Variants in FZD8 observed in about 807,000 individuals in gnomAD.
FZD8 encodes the protein frizzled class receptor 8.
FZD8 carries 18 observed loss-of-function variants against 46.0 expected under a neutral mutation model. That is an observed-to-expected ratio of 0.39 (90% CI 0.27 to 0.58). The LOEUF is 0.58. Among genes scored for constraint, FZD8 ranks in the 20% least tolerant of loss-of-function variants. The pLI, the probability that FZD8 is intolerant of heterozygous loss-of-function variation, is 0.55. For missense variants in FZD8, 785 were observed against 983.4 expected, an observed-to-expected ratio of 0.80 and a Z score of 2.70; for synonymous variants, 586 against 467.9, an observed-to-expected ratio of 1.25 and a Z score of -3.26.
At position 35,640,053 on chromosome 10, in the gene FZD8, G is replaced by A. The variant is rs368814579; in HGVS notation, c.1377C>T (p.Leu459=). The A allele has an allele frequency of 3.1e-6, 5 of 1,610,168 alleles. No individual in the cohort carries two copies. Among genetic ancestry groups the A allele is most frequent in the East Asian group, 2.2e-5 (1 of 44,730 alleles). Residue 459 remains leucine, a synonymous_variant, in exon 1 of 1, where the codon CTC becomes CTT. Coordinates refer to ENST00000374694, the MANE Select transcript of FZD8 (RefSeq NM_031866.3). ...CCACCGGGTCGCCGTCCACCGAGCT[G>A]AGCGCCAGCACCGCGATGGACTTGA... ...PSVKSIAVLA[L]SSVDGDPVAG...
Position 35,640,677 on chromosome 10 carries a change from G to A in FZD8, c.753C>T (p.Arg251=), listed in dbSNP as rs1251854835. ...AGTTAGCGATCTGGCCTGTCTTGAC[G>A]CGGTTGTAGAGCGGGTGGCGCTCGC... The part of the protein sequence containing the change: ...VSSERHPLYN[R]VKTGQIANCA... The change falls in exon 1 of 1, where the codon CGC becomes CGT. Residue 251 remains arginine (R), a synonymous_variant. Transcript: ENST00000374694. The A allele has an allele frequency of 2.6e-6, 4 of 1,557,796 alleles. No homozygotes were observed. Among genetic ancestry groups the A allele is most frequent in the Admixed American group, 1.8e-5 (1 of 56,326 alleles).
Position 35,640,864 on chromosome 10 carries a change from C to T in FZD8, c.566G>A (p.Arg189Lys), listed in dbSNP as rs948493844. 4.2e-4 allele frequency: 411 copies of T among 978,920 alleles called. No homozygotes were observed. The highest frequency in any genetic ancestry group is 1.1e-3 in the Middle Eastern group (2 of 1,904). 60.6% of individuals were successfully genotyped at this position (978,920 alleles called of 1,614,324 possible). A position where few individuals can be genotyped will look rare whatever the true frequency, so the allele number is the denominator to read the frequency against. ...GSGHGRPPGA[R>K]PPHRGGGRGG... ...CCTGCCGCCGCCGCGGTGCGGGGGC[C>T]TGGCCCCCGGCGGGCGGCCGTGGCC... The change falls in exon 1 of 1, where the codon AGG becomes AAG. Residue 189 changes from arginine (R) to lysine (K), a missense_variant. Coordinates refer to ENST00000374694, the MANE Select transcript of FZD8 (RefSeq NM_031866.3).
rs759143237 is a variant in FZD8 at position 35,640,572 on chromosome 10, C to A, written c.858G>T (p.Val286=). The A allele has an allele frequency of 1.9e-6, 3 of 1,586,086 alleles. No individual in the cohort carries two copies. The African/African-American group carries it at 4.1e-5, about 21-fold the overall frequency. ...FTVFWIGLWS[V]LCFVSTFATV... is the part of the protein sequence containing the mutation. ...TGGCGAAGGTGGACACGAAGCAGAG[C>A]ACCGACCACAGGCCGATCCAGAAGA... The change falls in exon 1 of 1, where the codon GTG becomes GTT. Residue 286 remains valine, a synonymous_variant. Transcript: ENST00000374694.
chr10:35,641,021 G>A lies in FZD8; in HGVS notation c.409C>T (p.Arg137Trp). The A allele has an allele frequency of 1.9e-6, 3 of 1,607,094 alleles. No individual in the cohort carries two copies. Among genetic ancestry groups the A allele is most frequent in the Non-Finnish European group, 2.5e-6 (3 of 1,177,770 alleles). The part of the protein sequence containing the change: ...FAWPDRMRCD[R>W]LPEQGNPDTL... ...TCAGGGTTGCCTTGCTCGGGCAGCC[G>A]GTCGCAGCGCATGCGGTCGGGCCAG... is the stretch of plus-strand genomic sequence containing the variant. Residue 137 changes from arginine to tryptophan, a missense_variant, in exon 1 of 1, where the codon CGG (arginine) becomes TGG (tryptophan). Arg to Trp is a moderately radical substitution (Grantham distance 101). Transcript: ENST00000374694. This position sits in a 1 kb window ranked among gnomAD's most constrained non-coding sequence, Gnocchi z 6.3.
rs995637099 is a variant in FZD8, at chr10:35,642,277, C to T, written c.-848G>A. ...GGAGCAGCGCCCTTAGCCCAACTTC[C>T]CGGCTCCAGCCCCGCTCGCGCCGCG... On this transcript the variant is annotated 5_prime_UTR_variant, in exon 1 of 1. Coordinates refer to ENST00000374694, the MANE Select transcript of FZD8 (RefSeq NM_031866.3). 6.6e-6 allele frequency: 1 copy of T among 152,612 alleles called. No homozygotes were observed. The highest frequency in any genetic ancestry group is 2.4e-5 in the African/African-American group (1 of 41,466). 9.5% of individuals were successfully genotyped at this position (152,612 alleles called of 1,614,324 possible). A position where few individuals can be genotyped will look rare whatever the true frequency, so the allele number is the denominator to read the frequency against.
chr10:35,640,333 C>CCCGCGCCCGCCGCGCCCGCGCCCGCCG lies in FZD8; in HGVS notation c.1070_1096dup (p.Ala357_Ala365dup). 1 of 1,012,958 alleles carries CCCGCGCCCGCCGCGCCCGCGCCCGCCG rather than the reference C, an allele frequency of 9.9e-7. No homozygotes were observed. Among genetic ancestry groups the CCCGCGCCCGCCGCGCCCGCGCCCGCCG allele is most frequent in the Non-Finnish European group, 1.2e-6 (1 of 846,024 alleles). 62.7% of individuals were successfully genotyped at this position (1,012,958 alleles called of 1,614,324 possible). A position where few individuals can be genotyped will look rare whatever the true frequency, so the allele number is the denominator to read the frequency against. On this transcript the variant is annotated inframe_insertion, in exon 1 of 1. Coordinates refer to ENST00000374694, the MANE Select transcript of FZD8 (RefSeq NM_031866.3). ...GCCGCGCCCGCCCGGGCCGCCCGCG[C>CCCGCGCCCGCCGCGCCCGCGCCCGCCG]CCGCGCCCGCCGCGCCCGCGCCCGC...
At position 35,641,034 on chromosome 10, in the gene FZD8, G is replaced by A. The variant is rs1315311957; in HGVS notation, c.396C>T (p.Arg132=). 1.6e-5 allele frequency: 26 copies of A among 1,608,698 alleles called. No homozygotes were observed. In the South Asian group the frequency reaches 2.6e-4, roughly 16 times the overall value. Residue 132 remains arginine, a synonymous_variant, in exon 1 of 1, where the codon CGC becomes CGT. Coordinates refer to ENST00000374694, the MANE Select transcript of FZD8 (RefSeq NM_031866.3). The surrounding 1 kb of genome is among the most constrained non-coding windows in gnomAD (Gnocchi z 6.3). ...MRQYGFAWPD[R]MRCDRLPEQG... ...GCTCGGGCAGCCGGTCGCAGCGCAT[G>A]CGGTCGGGCCAGGCGAAGCCGTACT...
Position 35,639,948 on chromosome 10 carries a change from G to T in FZD8, c.1482C>A (p.Phe494Leu). 1 of 1,613,210 alleles carries T rather than the reference G, an allele frequency of 6.2e-7. No homozygotes were observed. Among genetic ancestry groups the T allele is most frequent in the Non-Finnish European group, 8.5e-7 (1 of 1,179,938 alleles). The change falls in exon 1 of 1, where the codon TTC becomes TTA. Residue 494 changes from phenylalanine to leucine, a missense_variant. Coordinates refer to ENST00000374694, the MANE Select transcript of FZD8 (RefSeq NM_031866.3). The part of the protein sequence containing the change: ...FVLAPLVIYL[F>L]IGTMFLLAGF... Reference sequence around the variant, plus strand: ...CGGCCAGCAGGAACATGGTGCCGATGAAGAGGTAGATGACCAGCGGCGCCA... The same window carrying T: ...CGGCCAGCAGGAACATGGTGCCGATTAAGAGGTAGATGACCAGCGGCGCCA...
chr10:35,641,176 T>G lies in FZD8; in HGVS notation c.254A>C (p.Lys85Thr). 1 of 1,613,862 alleles carries G rather than the reference T, an allele frequency of 6.2e-7. No homozygotes were observed. The highest frequency in any genetic ancestry group is 1.1e-5 in the South Asian group (1 of 91,084). ...LVEIQCSPDL[K>T]FFLCSMYTPI... ...CGTGTACATGCTGCACAGGAAGAAC[T>G]TGAGATCGGGCGAGCACTGGATCTC... Residue 85 changes from lysine (K) to threonine (T), a missense_variant, in exon 1 of 1, where the codon AAG becomes ACG. This residue lies in a region of FZD8 where 354 missense variants were observed against 433.2 expected (regional missense o/e 0.82). Coordinates refer to ENST00000374694, the MANE Select transcript of FZD8 (RefSeq NM_031866.3). The surrounding 1 kb of genome is among the most constrained non-coding windows in gnomAD (Gnocchi z 6.3).
In FZD8 at chr10:35,639,907, A is replaced by T; in HGVS notation, c.1523T>A (p.Phe508Tyr). 3 of 1,612,524 alleles carry T rather than the reference A, an allele frequency of 1.9e-6. No individual in the cohort carries two copies. The highest frequency in any genetic ancestry group is 2.5e-6 in the Non-Finnish European group (3 of 1,179,864). The change falls in exon 1 of 1, where the codon TTC becomes TAC. Residue 508 changes from phenylalanine (F) to tyrosine (Y), a missense_variant. Transcript: ENST00000374694. The stretch of plus-strand genomic sequence containing the variant: ...TTGCTTGATGACCGAGCGGATGCGG[A>T]AGAGGGACACGAAGCCGGCCAGCAG... Reference protein sequence around the residue: ...MFLLAGFVSLFRIRSVIKQQD... With the variant: ...MFLLAGFVSLYRIRSVIKQQD...
At position 35,640,692 on chromosome 10, in the gene FZD8, G is replaced by C; in HGVS notation, c.738C>G (p.His246Gln). 6.6e-7 allele frequency: 1 copy of C among 1,524,348 alleles called. No individual in the cohort carries two copies. The highest frequency in any genetic ancestry group is 8.9e-7 in the Non-Finnish European group (1 of 1,128,512). 94.4% of individuals were successfully genotyped at this position (1,524,348 alleles called of 1,614,324 possible). The change falls in exon 1 of 1, where the codon CAC becomes CAG. Residue 246 changes from histidine (H) to glutamine (Q), a missense_variant. Coordinates refer to ENST00000374694, the MANE Select transcript of FZD8 (RefSeq NM_031866.3). ...APMVSVSSERHPLYNRVKTGQ... is the reference protein window; with the variant it reads ...APMVSVSSERQPLYNRVKTGQ... ...CTGTCTTGACGCGGTTGTAGAGCGG[G>C]TGGCGCTCGCTGGACACGCTCACCA...
At position 35,638,744 on chromosome 10, in the gene FZD8, T is replaced by TC. The variant is rs1835801127; in HGVS notation, c.*600_*601insG. On this transcript the variant is annotated 3_prime_UTR_variant, in exon 1 of 1. Coordinates refer to ENST00000374694, the MANE Select transcript of FZD8 (RefSeq NM_031866.3). Reference sequence around the variant, plus strand: ...GGATATATACATATTTTACACTTTTTTTTTTACAATTTAACAAATAATTAT... The same window carrying TC: ...GGATATATACATATTTTACACTTTTTCTTTTTACAATTTAACAAATAATTAT... 1 of 152,246 alleles carries TC rather than the reference T, an allele frequency of 6.6e-6. No homozygotes were observed. Among genetic ancestry groups the TC allele is most frequent in the African/African-American group, 2.4e-5 (1 of 41,354 alleles). The allele number at this position is 152,246 out of a possible 1,614,324, so 9.4% of individuals were successfully genotyped here.
chr10:35,640,431 C>T lies in FZD8; in HGVS notation c.999G>A (p.Ala333=), dbSNP rs776798342. The change falls in exon 1 of 1, where the codon GCG becomes GCA. Residue 333 remains alanine, a synonymous_variant. Coordinates refer to ENST00000374694, the MANE Select transcript of FZD8 (RefSeq NM_031866.3). ...VSVGYLVRLV[A]GHEKVACSGG... ...CGCTGCACGCCACCTTCTCGTGGCC[C>T]GCCACCAGGCGCACTAGGTAGCCCA... The T allele has an allele frequency of 2.1e-6, 3 of 1,461,384 alleles. No homozygotes were observed. The highest frequency in any genetic ancestry group is 2.7e-6 in the Non-Finnish European group (3 of 1,094,448). The allele number at this position is 1,461,384 out of a possible 1,614,324, so 90.5% of individuals were successfully genotyped here.
In FZD8 at chr10:35,640,212, G is replaced by A. The variant is rs73270586; in HGVS notation, c.1218C>T (p.Phe406=). The change falls in exon 1 of 1, where the codon TTC becomes TTT. Residue 406 remains phenylalanine, a synonymous_variant. Transcript: ENST00000374694. ...CCCACCAGATGGAGCTGGCCATGCC[G>A]AAGAAGTAGACCAGCAAGAAGACCA... ...CTVVFLLVYF[F]GMASSIWWVI... 0.022 allele frequency: 35,045 copies of A among 1,612,514 alleles called. 612 individuals are homozygous for A. Among genetic ancestry groups the A allele is most frequent in the African/African-American group, 0.071 (5,343 of 74,988 alleles).
chr10:35,639,272 C>T lies in FZD8; in HGVS notation c.*73G>A, dbSNP rs1044731853. 1.4e-6 allele frequency: 1 copy of T among 697,992 alleles called. No homozygotes were observed. The highest frequency in any genetic ancestry group is 2.1e-6 in the Non-Finnish European group (1 of 479,096). The allele number at this position is 697,992 out of a possible 1,614,324, so 43.2% of individuals were successfully genotyped here. ...TGAAGGGGTGGGAACCTCAGCCCAT[C>T]AAGTGTCCCTTCGCTGCACTTGGCT... On this transcript the variant is annotated 3_prime_UTR_variant, in exon 1 of 1. Coordinates refer to ENST00000374694, the MANE Select transcript of FZD8 (RefSeq NM_031866.3).
chr10:35,639,513 CCCCGCGGCCGTGGCG>C lies in FZD8; in HGVS notation c.1902_1916del (p.Ala635_Gly639del). The stretch of plus-strand genomic sequence containing the variant: ...CGCCGCCCCCCGGCCCGCCGCCACC[CCCCGCGGCCGTGGCG>C]CCCGCGCCCCCGCCCACCGCGGCGC... On this transcript the variant is annotated inframe_deletion, in exon 1 of 1. Transcript: ENST00000374694. The C allele has an allele frequency of 4.6e-6, 5 of 1,096,136 alleles. No homozygotes were observed. Among genetic ancestry groups the C allele is most frequent in the Non-Finnish European group, 5.6e-6 (5 of 899,246 alleles). The allele number at this position is 1,096,136 out of a possible 1,614,324, so 67.9% of individuals were successfully genotyped here.
At position 35,639,329 on chromosome 10, in the gene FZD8, G is replaced by T; in HGVS notation, c.*16C>A. 2 of 1,140,880 alleles carry T rather than the reference G, an allele frequency of 1.8e-6. No homozygotes were observed. Among genetic ancestry groups the T allele is most frequent in the Non-Finnish European group, 2.4e-6 (2 of 847,286 alleles). The allele number at this position is 1,140,880 out of a possible 1,614,324, so 70.7% of individuals were successfully genotyped here. A position where few individuals can be genotyped will look rare whatever the true frequency, so the allele number is the denominator to read the frequency against. ...GCCCCCCTCCCCACCCCTCCTGGGCGCCCCCTCCCCTCCGCTCAGACCTGG... is the reference window on the plus strand; with the variant it reads ...GCCCCCCTCCCCACCCCTCCTGGGCTCCCCCTCCCCTCCGCTCAGACCTGG... On this transcript the variant is annotated 3_prime_UTR_variant, in exon 1 of 1. Transcript: ENST00000374694.
At position 35,639,023 on chromosome 10, in the gene FZD8, G is replaced by C. The variant is rs902374503; in HGVS notation, c.*322C>G. The C allele has an allele frequency of 6.5e-6, 1 of 154,000 alleles. No individual in the cohort carries two copies. The allele number at this position is 154,000 out of a possible 1,614,324, so 9.5% of individuals were successfully genotyped here. On this transcript the variant is annotated 3_prime_UTR_variant, in exon 1 of 1. Coordinates refer to ENST00000374694, the MANE Select transcript of FZD8 (RefSeq NM_031866.3). ...CTGCAAACCCAGCCAAGTGCAGCCA[G>C]GGAGGGCTCCAAATCTCGGGTTCTG... is the stretch of plus-strand genomic sequence containing the variant.
Position 35,641,769 on chromosome 10 carries a change from TC to T in FZD8, c.-341del, listed in dbSNP as rs1564478329. 6 of 193,674 alleles carry T rather than the reference TC, an allele frequency of 3.1e-5. No individual in the cohort carries two copies. In the South Asian group the frequency reaches 1.1e-3, roughly 34 times the overall value. 12.0% of individuals were successfully genotyped at this position (193,674 alleles called of 1,614,324 possible). A position where few individuals can be genotyped will look rare whatever the true frequency, so the allele number is the denominator to read the frequency against. On this transcript the variant is annotated 5_prime_UTR_variant, in exon 1 of 1. Transcript: ENST00000374694. The surrounding 1 kb of genome is among the most constrained non-coding windows in gnomAD (Gnocchi z 6.3). ...AGAGCGGCCGGGCCTCGGCTCATCG[TC>T]CCGCGCTCGCTCGCCTCCTCTCCGC... is the stretch of plus-strand genomic sequence containing the variant.
Sources: allele counts gnomAD v4.1 joint callset, GRCh38; gene constraint gnomAD v4.1.1; regional missense constraint gnomAD v4.1.1; non-coding constraint Gnocchi (gnomAD v3.1); transcripts MANE v1.5; gene names NCBI Gene and HGNC (gene_info 2026-07-23, HGNC 2026-07-21).